The following DLGAP1 variants were observed in gnomAD, a reference collection of about 807,000 sequenced individuals.
DLGAP1 encodes disks large-associated protein 1.
A neutral mutation model predicts 90.8 loss-of-function variants in DLGAP1; 11 were observed. The ratio of observed to expected loss-of-function variants is 0.12; its 90% CI spans 0.08 to 0.20. DLGAP1 has a LOEUF of 0.20. DLGAP1 is among the 10% of genes least tolerant of loss of function. The pLI is 1.00. For synonymous variants in DLGAP1, 558 were observed against 540.7 expected (o/e 1.03, Z -0.44); for missense variants, 1,050 against 1,333.8 (o/e 0.79, Z 3.31).
intron 4 of DLGAP1, among the ~76,000 whole-genome samples, chr18:3,838,271 T>C (rs1242813101): frequency 1.3e-5 from 2 of 152,238 alleles, no homozygotes; most frequent in Non-Finnish European, 2.9e-5. Context: ...AAAATGTCAA[T>C]TGTTCTTTCC....
intron 1 of DLGAP1, among the ~76,000 whole-genome samples, chr18:4,207,968 CTAAATGA>C (rs2077756887): frequency 6.6e-6 from 1 of 152,196 alleles, no homozygotes; most frequent in African/African-American, 2.4e-5. Flanking sequence ...GTTACTTCTT[CTAAATGA>C]TACCAGGTGT....
intron 10 of DLGAP1, among the ~76,000 whole-genome samples, chr18:3,531,177 C>T (rs2051969177): frequency 6.6e-6 from 1 of 152,176 alleles, no homozygotes; most frequent in African/African-American, 2.4e-5. Context: ...TGGCTCACCC[C>T]TGTAATCTCA....
At chr18:3,917,852 C>G (rs1418940534) in intron 3 of DLGAP1, among the ~76,000 whole-genome samples, 2 of 93,942 alleles carry the variant, frequency 2.1e-5, no homozygotes, top group Non-Finnish European at 5.3e-5. Context: ...GGAAAAATTT[C>G]AGAAAAAAAA....
At chr18:3,581,675 A>AT (rs1555687793) in intron 8 of DLGAP1, among the ~76,000 whole-genome samples, 200 bp downstream of exon 8, 1 of 151,658 alleles carries the variant, frequency 6.6e-6, no homozygotes, top group African/African-American at 2.4e-5. Context: ...AAAAAAAAAA[A>AT]AAAAGAAAAG....
intron 1 of DLGAP1, among the ~76,000 whole-genome samples, chr18:4,259,168 G>A (rs562363409): frequency 1.3e-5 from 2 of 152,326 alleles, no homozygotes; most frequent in South Asian, 2.1e-4. Flanking sequence ...TAGTTAACAG[G>A]TGGGGAACCA....
At position 4,235,520 on chromosome 18, in the gene DLGAP1, T is replaced by A. The variant is rs1410833023; in HGVS notation, c.-266-84233A>T. On this transcript the variant is annotated intron_variant, in intron 1 of 12. Coordinates refer to ENST00000315677, the MANE Select transcript of DLGAP1 (RefSeq NM_004746.4). ...GCTTTGTTTGAACCTGCTGTTTTTT[T>A]AATTCCTAGCACCATTTGGAATAAT... 2.6e-5 allele frequency among the ~76,000 whole-genome samples: 4 copies of A among 152,180 alleles called. No homozygotes were observed. In the East Asian group the frequency reaches 7.7e-4, roughly 29 times the overall value.
At chr18:3,963,412 G>A (rs183220397) in intron 3 of DLGAP1, among the ~76,000 whole-genome samples, 2 of 152,148 alleles carry the variant, frequency 1.3e-5, no homozygotes. Flanking sequence ...AAATGTGCAT[G>A]AGGATGAGGT....
intron 5 of DLGAP1, among the ~76,000 whole-genome samples, chr18:3,743,515 T>C (rs370323645): frequency 6.6e-6 from 1 of 151,456 alleles, no homozygotes; most frequent in African/African-American, 2.4e-5. Flanking sequence ...CCACCACGCC[T>C]GGCTATTTTT....
chr18:3,601,057 TATAGATATATAGATATATAG>T (rs2056990311), intron 7 of DLGAP1, among the ~76,000 whole-genome samples: 2 of 140,872 alleles, frequency 1.4e-5, no homozygotes, highest in East Asian at 2.0e-4. Flanking sequence ...TAGATAGATA[TATAGATATATAGATATATAG>T]ATAGATATAT....
intron 2 of DLGAP1, among the ~76,000 whole-genome samples, chr18:4,109,227 TGATCA>T (rs2075927095): frequency 1.3e-5 from 2 of 152,004 alleles, no homozygotes; most frequent in Admixed American, 1.3e-4. Flanking sequence ...TATCACTTGA[TGATCA>T]GATCATTTTG....
chr18:4,193,285 A>T (rs2077435205), intron 1 of DLGAP1, among the ~76,000 whole-genome samples: 1 of 152,188 alleles, frequency 6.6e-6, no homozygotes, highest in South Asian at 2.1e-4. Flanking sequence ...ATTTGATCTC[A>T]TTTTTTATAT....
rs2068419347 is a variant in DLGAP1 at position 3,836,900 on chromosome 18, C to T, written c.958-22627G>A. ...TTGAAGAGCGTGGTAGATTTCTGAG[C>T]ACCCTGTGGCAGTCTGTAAAAGTGA... is the stretch of plus-strand genomic sequence containing the variant. On this transcript the variant is annotated intron_variant, in intron 4 of 12. Transcript: ENST00000315677. Among the ~76,000 whole-genome samples, 3 of 152,180 alleles carry T rather than the reference C, an allele frequency of 2.0e-5. No individual in the cohort carries two copies. The South Asian group carries it at 6.2e-4, about 32-fold the overall frequency.
rs544216014 is a variant in DLGAP1, at chr18:3,944,210, T to C, written c.-73+60906A>G. 1.5e-3 allele frequency among the ~76,000 whole-genome samples: 235 copies of C among 152,294 alleles called. 1 individual carries two copies. Among genetic ancestry groups the C allele is most frequent in the African/African-American group, 5.4e-3 (225 of 41,574 alleles). ...TCCTCAAAATGAAAGTAAAAAATAG[T>C]GCAAGGGCTGGATGCGCTGGCTCAC... On this transcript the variant is annotated intron_variant, in intron 3 of 12. Coordinates refer to ENST00000315677, the MANE Select transcript of DLGAP1 (RefSeq NM_004746.4).
chr18:4,278,178 T>C (rs2079460402), intron 1 of DLGAP1, among the ~76,000 whole-genome samples: 1 of 152,284 alleles, frequency 6.6e-6, no homozygotes, highest in Admixed American at 6.5e-5. Flanking sequence ...AAAAAGGCTA[T>C]GGGGCTGATT....
At chr18:3,732,379 A>G (rs1449049198) in intron 6 of DLGAP1, among the ~76,000 whole-genome samples, 4 of 152,248 alleles carry the variant, frequency 2.6e-5, no homozygotes, top group Non-Finnish European at 5.9e-5. Context: ...GGGAGCTGCA[A>G]AATGCAATAT....
intron 3 of DLGAP1, among the ~76,000 whole-genome samples, chr18:3,920,778 A>G (rs1468585460): frequency 6.6e-6 from 1 of 152,224 alleles, no homozygotes; most frequent in Non-Finnish European, 1.5e-5. Context: ...TATTTCCAGA[A>G]AGAATTACTT....
At chr18:3,591,227 A>C (rs1235373052) in intron 7 of DLGAP1, among the ~76,000 whole-genome samples, 1 of 152,178 alleles carries the variant, frequency 6.6e-6, no homozygotes, top group Non-Finnish European at 1.5e-5. Context: ...GCTATTTTAG[A>C]AAACAAAATG....
Position 3,499,105 on chromosome 18 carries a change from G to GGGGGAGAGGCAGCCGGCA in DLGAP1, c.*62_*79dup, listed in dbSNP as rs1387818090. Reference sequence around the variant, plus strand: ...GAGCTCGGGAGCGGACGGGCTCGGAGGGGGAGAGGCAGCCGGCAGAGGAGC... The same window carrying GGGGGAGAGGCAGCCGGCA: ...GAGCTCGGGAGCGGACGGGCTCGGAGGGGGAGAGGCAGCCGGCAGGGGAGAGGCAGCCGGCAGAGGAGC... On this transcript the variant is annotated 3_prime_UTR_variant, in exon 13 of 13. Transcript: ENST00000315677. This position sits in a 1 kb window ranked among gnomAD's most constrained non-coding sequence, Gnocchi z 6.4. 2 of 1,312,410 alleles carry GGGGGAGAGGCAGCCGGCA rather than the reference G, an allele frequency of 1.5e-6. No homozygotes were observed. The highest frequency in any genetic ancestry group is 2.7e-5 in the Admixed American group (1 of 36,728). The allele number at this position is 1,312,410 out of a possible 1,614,324, so 81.3% of individuals were successfully genotyped here. A position where few individuals can be genotyped will look rare whatever the true frequency, so the allele number is the denominator to read the frequency against.
intron 10 of DLGAP1, among the ~76,000 whole-genome samples, chr18:3,527,237 A>G (rs2051686171): frequency 6.6e-6 from 1 of 152,224 alleles, no homozygotes; most frequent in African/African-American, 2.4e-5. Context: ...GGCCAAAAGC[A>G]GCTGTCACAA....
Sources: allele counts gnomAD v4.1 joint callset (sites outside exome capture counted in the v4.1 genomes callset), GRCh38; gene constraint gnomAD v4.1.1; non-coding constraint Gnocchi (gnomAD v3.1); transcripts MANE v1.5; gene names NCBI Gene and HGNC (gene_info 2026-07-23, HGNC 2026-07-21).